The following SAMD12 variants were observed in gnomAD, a reference collection of about 807,000 sequenced individuals.
The protein encoded by SAMD12 is sterile alpha motif domain-containing protein 12.
SAMD12 carries 9 observed loss-of-function variants against 15.0 expected under a neutral mutation model. The observed-to-expected ratio is 0.60, with a 90% confidence interval of 0.36 to 1.05. The LOEUF (loss-of-function observed/expected upper bound fraction) is 1.05, where lower values mean the gene tolerates loss of function less well. SAMD12 is among the 50% of genes least tolerant of loss of function. The probability of loss-of-function intolerance (pLI) is 0.01; values close to 1 mark genes in which losing one functional copy is unlikely to be tolerated. For synonymous variants in SAMD12, 86 were observed against 90.1 expected, an observed-to-expected ratio of 0.96 and a Z score of 0.25; for missense variants, 230 against 234.2, an observed-to-expected ratio of 0.98 and a Z score of 0.12.
chr8:118,240,119 T>C (rs1035602055), intron 4 of SAMD12: 6 of 152,116 alleles, frequency 3.9e-5, no homozygotes, highest in Non-Finnish European at 7.4e-5. Flanking sequence ...TAGATGAAAC[T>C]CAGCAGCCCT....
intron 2 of SAMD12, among the ~76,000 whole-genome samples, chr8:118,455,861 C>G (rs953436629): frequency 6.6e-6 from 1 of 152,152 alleles, no homozygotes; most frequent in African/African-American, 2.4e-5. Flanking sequence ...TGGGGGTATA[C>G]CCAGAAATAT....
At chr8:118,242,764 C>T (rs1263883531) in intron 4 of SAMD12, among the ~76,000 whole-genome samples, 1 of 152,124 alleles carries the variant, frequency 6.6e-6, no homozygotes, top group African/African-American at 2.4e-5. Flanking sequence ...AAACAGGTTT[C>T]TCTCAAAATG....
rs574686487 is a variant in SAMD12, at chr8:118,501,922, C to A, written c.193-61961G>T. On this transcript the variant is annotated intron_variant, in intron 2 of 3. Coordinates refer to ENST00000314727, the MANE Select transcript of SAMD12 (RefSeq NM_207506.3). ...GTCCCAGCTACTCGGGAGGCTGAGGCAGGAGAATGGCACGAACCCGTTGGG... is the reference window on the plus strand; with the variant it reads ...GTCCCAGCTACTCGGGAGGCTGAGGAAGGAGAATGGCACGAACCCGTTGGG... Among the ~76,000 whole-genome samples, 128 of 150,088 alleles carry A rather than the reference C, an allele frequency of 8.5e-4. 1 individual carries two copies. The highest frequency in any genetic ancestry group is 3.0e-3 in the African/African-American group (123 of 40,610).
chr8:118,550,955 G>T (rs1201877086), intron 2 of SAMD12, among the ~76,000 whole-genome samples: 1 of 150,952 alleles, frequency 6.6e-6, no homozygotes, highest in East Asian at 1.9e-4. Flanking sequence ...ATGGTAAAGG[G>T]ATCAATTCAA....
chr8:118,392,274 C>T (rs532989822), intron 3 of SAMD12, among the ~76,000 whole-genome samples: 6 of 151,846 alleles, frequency 4.0e-5, no homozygotes, highest in African/African-American at 1.2e-4. Flanking sequence ...AAAATACACA[C>T]AAAAAAATTA....
chr8:118,569,592 G>A (rs1248584253), intron 2 of SAMD12, among the ~76,000 whole-genome samples: 1 of 152,138 alleles, frequency 6.6e-6, no homozygotes, highest in Non-Finnish European at 1.5e-5. Context: ...GGTAATTACG[G>A]GTTTAGATGA....
chr8:118,552,751 A>G (rs1321083402), intron 2 of SAMD12, among the ~76,000 whole-genome samples: 1 of 152,176 alleles, frequency 6.6e-6, no homozygotes, highest in African/African-American at 2.4e-5. Context: ...GTCCCTGTTC[A>G]CAGATGACAT....
intron 2 of SAMD12, among the ~76,000 whole-genome samples, chr8:118,475,655 G>T (rs1199678668): frequency 6.6e-6 from 1 of 152,116 alleles, no homozygotes; most frequent in South Asian, 2.1e-4. Context: ...TGCCTCAAAG[G>T]GACTTAAATA....
chr8:118,460,563 G>A (rs1823386126), intron 2 of SAMD12, among the ~76,000 whole-genome samples: 1 of 152,182 alleles, frequency 6.6e-6, no homozygotes, highest in African/African-American at 2.4e-5. Context: ...TGGAATCAGG[G>A]AGGAGATAGA....
At chr8:118,435,262 C>T (rs1264062349) in intron 3 of SAMD12, among the ~76,000 whole-genome samples, 2 of 152,114 alleles carry the variant, frequency 1.3e-5, no homozygotes, top group African/African-American at 4.8e-5. Flanking sequence ...TTTCAAGAGA[C>T]AGAGATATTT....
intron 2 of SAMD12, among the ~76,000 whole-genome samples, chr8:118,490,813 G>A (rs1824420960): frequency 6.6e-6 from 1 of 152,126 alleles, no homozygotes; most frequent in Non-Finnish European, 1.5e-5. Context: ...ACTTTCATCT[G>A]CATCCTCTTG....
intron 3 of SAMD12, among the ~76,000 whole-genome samples, chr8:118,435,324 G>C (rs1586714640): frequency 1.3e-5 from 2 of 152,026 alleles, no homozygotes; most frequent in East Asian, 3.9e-4. Flanking sequence ...TTTATCATTA[G>C]TTCTTGTTAA....
chr8:118,327,785 G>A (rs1421121790), intron 4 of SAMD12, among the ~76,000 whole-genome samples: 1 of 152,124 alleles, frequency 6.6e-6, no homozygotes, highest in African/African-American at 2.4e-5. Context: ...TTGGCAGAAG[G>A]GTGGGCAAGT....
intron 2 of SAMD12, among the ~76,000 whole-genome samples, chr8:118,543,623 C>CTTTTTT (rs1338070047): frequency 1.6e-5 from 2 of 125,058 alleles, no homozygotes; most frequent in African/African-American, 7.8e-5. Context: ...TCTTTTCTTT[C>CTTTTTT]TTTCTTTCTT....
intron 4 of SAMD12, among the ~76,000 whole-genome samples, chr8:118,316,241 A>T (rs1036185320): frequency 7.9e-5 from 12 of 151,998 alleles, no homozygotes; most frequent in African/African-American, 2.7e-4. Context: ...AGCATATAAA[A>T]GTTGGGAGAT....
chr8:118,571,918 C>T (rs1035053867), intron 2 of SAMD12, among the ~76,000 whole-genome samples: 12 of 152,124 alleles, frequency 7.9e-5, no homozygotes, highest in African/African-American at 2.2e-4. Flanking sequence ...TATGAGAAGA[C>T]GGCCACCATC....
At chr8:118,450,217 G>A (rs532275442) in intron 2 of SAMD12, among the ~76,000 whole-genome samples, 15 of 152,328 alleles carry the variant, frequency 9.8e-5, no homozygotes, top group Middle Eastern at 6.8e-3. Context: ...GGGCATCAGG[G>A]TGTCTACAAT....
chr8:118,472,706 A>C (rs919337799), intron 2 of SAMD12, among the ~76,000 whole-genome samples: 7 of 152,138 alleles, frequency 4.6e-5, no homozygotes, highest in Non-Finnish European at 7.4e-5. Context: ...AAAAGGAAGA[A>C]GAGCAGGAGG....
chr8:118,620,668 T>C (rs1370591892), intron 1 of SAMD12, among the ~76,000 whole-genome samples: 1 of 151,848 alleles, frequency 6.6e-6, no homozygotes, highest in African/African-American at 2.4e-5. Context: ...GGAGCAAGAG[T>C]CAGATTAGTT....
Sources: allele counts gnomAD v4.1 joint callset (sites outside exome capture counted in the v4.1 genomes callset), GRCh38; gene constraint gnomAD v4.1.1; transcripts MANE v1.5; gene names NCBI Gene and HGNC (gene_info 2026-07-23, HGNC 2026-07-21).